Variants in HSPG2 observed in about 807,000 individuals in gnomAD.
HSPG2 encodes heparan sulfate proteoglycan 2, also known as basement membrane-specific heparan sulfate proteoglycan core protein.
HSPG2 carries 278 observed loss-of-function variants against 526.6 expected under a neutral mutation model. The observed-to-expected ratio is 0.53, with a 90% CI of 0.48 to 0.58. The LOEUF (loss-of-function observed/expected upper bound fraction) is 0.58. HSPG2 is among the 20% of genes least tolerant of loss of function. The pLI, the probability that HSPG2 is intolerant of heterozygous loss-of-function variation, is 0.00. For synonymous variants in HSPG2, 2,465 were observed against 2,555.4 expected, an observed-to-expected ratio of 0.96 and a Z score of 1.07; for missense variants, 5,354 against 6,099.5, an observed-to-expected ratio of 0.88 and a Z score of 4.07.
chr1:21,926,895 G>C (rs898668654), intron 1 of HSPG2, among the ~76,000 whole-genome samples: 5 of 151,996 alleles, frequency 3.3e-5, no homozygotes, highest in African/African-American at 1.2e-4. Flanking sequence ...CATGATCCCA[G>C]TTCCCAACTA....
At position 21,846,101 on chromosome 1, in the gene HSPG2, C is replaced by A. The variant is rs781470202; in HGVS notation, c.8464+7G>T. 6.2e-7 allele frequency: 1 copy of A among 1,612,224 alleles called. No homozygotes were observed. On this transcript the variant is annotated splice_region_variant and intron_variant, in intron 64 of 96. Transcript: ENST00000374695. ...CGGCCTTCCCGTCCCACTGCAGGGA[C>A]CCTCACCGGGGACGTGGACAGCACT...
At chr1:21,928,201 T>C (rs772140903) in intron 1 of HSPG2, among the ~76,000 whole-genome samples, 30 of 152,228 alleles carry the variant, frequency 2.0e-4, no homozygotes, top group Admixed American at 1.3e-3. Flanking sequence ...CATCTTTCCC[T>C]TGACCACAGT....
rs761517660 is a variant in HSPG2, at chr1:21,860,017, C to G, written c.5015-15G>C. 2 of 1,608,862 alleles carry G rather than the reference C, an allele frequency of 1.2e-6. No individual in the cohort carries two copies. Among genetic ancestry groups the G allele is most frequent in the Non-Finnish European group, 1.7e-6 (2 of 1,178,214 alleles). On this transcript the variant is annotated splice_polypyrimidine_tract_variant and intron_variant, in intron 40 of 96. Transcript: ENST00000374695. ...GGCTTGGTTTGCTGGGGGTGGGGGC[C>G]GGGACAGGAAGGGCCTTTCAGCATT...
chr1:21,908,716 C>A, intron 1 of HSPG2: 2 of 506,392 alleles, frequency 3.9e-6, no homozygotes, highest in East Asian at 3.2e-5. Flanking sequence ...TTAAACGACC[C>A]CAAAGCTTCC....
chr1:21,855,734 C>T, intron 45 of HSPG2, 53 bp downstream of exon 45: 3 of 1,606,190 alleles, frequency 1.9e-6, no homozygotes, highest in South Asian at 2.2e-5. Context: ...TGCCCCTCCC[C>T]TCCCACACCC....
In HSPG2 at chr1:21,842,211, C is replaced by T. The variant is rs78848259; in HGVS notation, c.9052+28G>A. On this transcript the variant is annotated intron_variant, in intron 68 of 96. Coordinates refer to ENST00000374695, the MANE Select transcript of HSPG2 (RefSeq NM_005529.7). ...TTAGCTTCAGGGCCCTCCCTTCCCC[C>T]CTTGCCCATGGCATCTGCCATACTC... 1.8e-3 allele frequency: 2,948 copies of T among 1,613,142 alleles called. 47 individuals carry two copies. In the African/African-American group the frequency reaches 0.032, roughly 18 times the overall value.
chr1:21,823,993 T>C (rs1439684130), intron 95 of HSPG2, 128 bp downstream of exon 95: 1 of 987,310 alleles, frequency 1.0e-6, no homozygotes, highest in Non-Finnish European at 1.6e-6. Context: ...TGGTGGGTTC[T>C]CCCCTCCCCT....
intron 64 of HSPG2, among the ~76,000 whole-genome samples, chr1:21,845,761 G>T (rs572212283): frequency 6.6e-6 from 1 of 152,322 alleles, no homozygotes; most frequent in African/African-American, 2.4e-5. Flanking sequence ...AGATAGTAGA[G>T]TACAAGAGTA....
chr1:21,838,324 G>A (rs1050025602), intron 74 of HSPG2, among the ~76,000 whole-genome samples: 6 of 152,144 alleles, frequency 3.9e-5, no homozygotes, highest in African/African-American at 1.4e-4. Context: ...GCCCTCATTT[G>A]TATCATTGAT....
At position 21,878,672 on chromosome 1, in the gene HSPG2, A is replaced by G; in HGVS notation, c.2472-9T>C. On this transcript the variant is annotated splice_polypyrimidine_tract_variant and intron_variant, in intron 18 of 96. Transcript: ENST00000374695. The stretch of plus-strand genomic sequence containing the variant: ...AGCAAGTGTCTGAGAATCTGCAGGT[A>G]TCAAGTGGACAGGGCATGGGGCAGG... 1 of 1,612,990 alleles carries G rather than the reference A, an allele frequency of 6.2e-7. No homozygotes were observed. Among genetic ancestry groups the G allele is most frequent in the East Asian group, 2.2e-5 (1 of 44,840 alleles).
At position 21,835,940 on chromosome 1, in the gene HSPG2, C is replaced by T. The variant is rs370429926; in HGVS notation, c.10356-303G>A. Among the ~76,000 whole-genome samples the T allele has an allele frequency of 8.8e-5, 13 of 147,718 alleles. No individual in the cohort carries two copies. In the South Asian group the frequency reaches 1.7e-3, roughly 19 times the overall value. On this transcript the variant is annotated intron_variant, in intron 75 of 96. Coordinates refer to ENST00000374695, the MANE Select transcript of HSPG2 (RefSeq NM_005529.7). ...CGGAGGTTGCAGTAAGCCGAGATTG[C>T]GCCACTGCACTCCAGCGTGGGTGAC...
Position 21,839,158 on chromosome 1 carries a change from T to C in HSPG2, c.9890-73A>G. The stretch of plus-strand genomic sequence containing the variant: ...AATGGCAGCAGGTCGTTGGATCCAG[T>C]GTCCAGGGAAGCTGAATGGTGAGCC... On this transcript the variant is annotated intron_variant, in intron 73 of 96. Transcript: ENST00000374695. The surrounding 1 kb of genome is among the most constrained non-coding windows in gnomAD (Gnocchi z 4.5). 2.0e-6 allele frequency: 3 copies of C among 1,530,552 alleles called. No homozygotes were observed. Among genetic ancestry groups the C allele is most frequent in the Non-Finnish European group, 2.6e-6 (3 of 1,132,716 alleles). The allele number at this position is 1,530,552 out of a possible 1,614,324, so 94.8% of individuals were successfully genotyped here.
Position 21,832,524 on chromosome 1 carries a change from G to T in HSPG2, c.11178C>A (p.Phe3726Leu), listed in dbSNP as rs770645123. Reference protein sequence around the residue: ...LANRQPDFISFGLVGGRPEFR... With the variant: ...LANRQPDFISLGLVGGRPEFR... ...ACTCGGGCCTTCCCCCCACGAGGCC[G>T]AAGGAGATGAAGTCGGGCTGCCGGT... Residue 3726 changes from phenylalanine to leucine, a missense_variant, in exon 81 of 97, where the codon TTC (phenylalanine) becomes TTA (leucine). Transcript: ENST00000374695. The T allele has an allele frequency of 6.2e-7, 1 of 1,614,070 alleles. No individual in the cohort carries two copies. The highest frequency in any genetic ancestry group is 1.3e-5 in the African/African-American group (1 of 74,946).
chr1:21,851,096 C>T (rs1026328934), intron 55 of HSPG2, among the ~76,000 whole-genome samples: 1 of 151,950 alleles, frequency 6.6e-6, no homozygotes, highest in Non-Finnish European at 1.5e-5. Context: ...CCTCAGCTTC[C>T]CGAGTAGCTG....
chr1:21,833,494 T>A lies in HSPG2; in HGVS notation c.10951A>T (p.Lys3651Ter). The change falls in exon 79 of 97, where the codon AAA becomes TAA. Residue 3651 changes from lysine to a stop codon, truncating the protein, a stop_gained. Coordinates refer to ENST00000374695, the MANE Select transcript of HSPG2 (RefSeq NM_005529.7). LOFTEE classifies it high-confidence loss of function. ...CTATNRQGKV[K>*]AFAHLQVPER... ...GGCACCTGCAGGTGGGCAAAGGCTT[T>A]GACCTTGCCCTGGCGGTTAGTGGCG... The A allele has an allele frequency of 1.2e-6, 2 of 1,614,182 alleles. No individual in the cohort carries two copies. The highest frequency in any genetic ancestry group is 1.7e-6 in the Non-Finnish European group (2 of 1,180,022).
In HSPG2 at chr1:21,885,005, A is replaced by G. The variant is rs751923537; in HGVS notation, c.1355+8T>C. On this transcript the variant is annotated splice_region_variant and intron_variant, in intron 11 of 96. Transcript: ENST00000374695. ...TTCCCACCCCACCACCTGGGCCCAG[A>G]GCCGCACCTGGGATGAGAGGGGATG... 3 of 1,613,836 alleles carry G rather than the reference A, an allele frequency of 1.9e-6. No homozygotes were observed. The highest frequency in any genetic ancestry group is 2.5e-6 in the Non-Finnish European group (3 of 1,180,006).
rs138669339 is a variant in HSPG2 at position 21,904,635 on chromosome 1, C to T, written c.64-8325G>A. Among the ~76,000 whole-genome samples the T allele has an allele frequency of 3.4e-3, 522 of 152,334 alleles. 3 individuals carry two copies. The highest frequency in any genetic ancestry group is 0.01 in the African/African-American group (435 of 41,570). ...CAGCTTACAGGGAACCAGGAAGCCA[C>T]CGGGAAATGCCCTTGCCTCACCCAT... On this transcript the variant is annotated intron_variant, in intron 1 of 96. Transcript: ENST00000374695. This position sits in a 1 kb window ranked among gnomAD's most constrained non-coding sequence, Gnocchi z 4.4.
chr1:21,926,583 T>G (rs1035222682), intron 1 of HSPG2, among the ~76,000 whole-genome samples: 2 of 151,706 alleles, frequency 1.3e-5, no homozygotes, highest in African/African-American at 4.8e-5. Context: ...TGAAAGCCTG[T>G]CTCTACTAAA....
chr1:21,934,141 C>T (rs935074622), intron 1 of HSPG2, among the ~76,000 whole-genome samples: 3 of 152,248 alleles, frequency 2.0e-5, no homozygotes, highest in Non-Finnish European at 2.9e-5. Context: ...TACACCCACA[C>T]TTAATCACAG....
Sources: allele counts gnomAD v4.1 joint callset (sites outside exome capture counted in the v4.1 genomes callset), GRCh38; gene constraint gnomAD v4.1.1; non-coding constraint Gnocchi (gnomAD v3.1); transcripts MANE v1.5; gene names NCBI Gene and HGNC (gene_info 2026-07-23, HGNC 2026-07-21).